Variants in EYS observed in about 807,000 individuals in gnomAD.
EYS encodes EGF-like photoreceptor maintenance factor, also known as protein eyes shut homolog.
Under a neutral mutation model 282.1 loss-of-function variants are expected in EYS, and 250 were observed. The observed-to-expected ratio is 0.89, with a 90% confidence interval of 0.80 to 0.98. The LOEUF is 0.98. Ranked by LOEUF, EYS falls within the 50% of genes least tolerant of loss-of-function variation. EYS has a pLI of 0.00. For missense variants in EYS, 4,016 were observed against 3,709.0 expected, an observed-to-expected ratio of 1.08 and a Z score of -2.15; for synonymous variants, 1,355 against 1,282.9, an observed-to-expected ratio of 1.06 and a Z score of -1.20.
At chr6:64,607,820 T>A (rs982184354) in intron 24 of EYS, among the ~76,000 whole-genome samples, 3 of 152,158 alleles carry the variant, frequency 2.0e-5, no homozygotes, top group African/African-American at 7.2e-5. Flanking sequence ...AGGGTTTGTA[T>A]TCACTGGACA....
chr6:63,987,316 G>A (rs1226256554), intron 34 of EYS, among the ~76,000 whole-genome samples: 3 of 151,622 alleles, frequency 2.0e-5, no homozygotes, highest in Admixed American at 1.3e-4. Context: ...GTGGTGAGAT[G>A]TACCACTGTC....
chr6:64,887,907 G>C (rs1317638792), intron 18 of EYS, among the ~76,000 whole-genome samples: 2 of 152,036 alleles, frequency 1.3e-5, no homozygotes, highest in African/African-American at 2.4e-5. Context: ...TATTAATAAA[G>C]AAGGAGCAGG....
chr6:64,062,021 T>A (rs1321436140), intron 33 of EYS, among the ~76,000 whole-genome samples: 1 of 152,082 alleles, frequency 6.6e-6, no homozygotes, highest in Non-Finnish European at 1.5e-5. Flanking sequence ...CAAGAAATAC[T>A]TTAATATTGA....
chr6:64,742,231 G>C (rs896652619), intron 22 of EYS, among the ~76,000 whole-genome samples: 1 of 152,140 alleles, frequency 6.6e-6, no homozygotes, highest in African/African-American at 2.4e-5. Flanking sequence ...AGCTAAAGAA[G>C]AGCGAGTTTG....
chr6:64,450,974 A>G (rs1582769731), intron 26 of EYS, among the ~76,000 whole-genome samples: 1 of 152,310 alleles, frequency 6.6e-6, no homozygotes, highest in East Asian at 1.9e-4. Flanking sequence ...AAACACATTC[A>G]AAAGCTAGCA....
chr6:63,728,718 T>G (rs1238522719), intron 41 of EYS, among the ~76,000 whole-genome samples: 1 of 152,168 alleles, frequency 6.6e-6, no homozygotes, highest in African/African-American at 2.4e-5. Flanking sequence ...TGCTTGCCTA[T>G]TTGACTCTCC....
At chr6:65,520,206 T>C (rs1767314041) in intron 2 of EYS, among the ~76,000 whole-genome samples, 1 of 152,130 alleles carries the variant, frequency 6.6e-6, no homozygotes, top group African/African-American at 2.4e-5. Flanking sequence ...TCAGAAAGCA[T>C]ATGGGGCCAA....
intron 19 of EYS, among the ~76,000 whole-genome samples, chr6:64,884,591 A>G (rs867149429): frequency 1.3e-4 from 20 of 151,696 alleles, no homozygotes; most frequent in South Asian, 4.1e-4. Context: ...TTTCCAGAGA[A>G]GGCTAAGAAA....
chr6:65,489,465 G>C (rs1765943480), intron 5 of EYS: 1 of 152,160 alleles, frequency 6.6e-6, no homozygotes, highest in Non-Finnish European at 1.5e-5. Context: ...TCATTAAAAA[G>C]TCAGGAAACA....
intron 19 of EYS, among the ~76,000 whole-genome samples, chr6:64,878,757 A>AT (rs199550207): frequency 7.4e-4 from 109 of 148,252 alleles, no homozygotes; most frequent in Middle Eastern, 3.5e-3. Flanking sequence ...GGAAATAAGG[A>AT]TTTTTTTTTT....
chr6:64,469,922 A>G (rs955679173), intron 26 of EYS, among the ~76,000 whole-genome samples: 7 of 152,144 alleles, frequency 4.6e-5, no homozygotes, highest in African/African-American at 1.7e-4. Context: ...TGAAAGTACT[A>G]AAAGTCTCTG....
Position 63,753,710 on chromosome 6 carries a change from G to A in EYS, c.8071+8751C>T, listed in dbSNP as rs540362843. On this transcript the variant is annotated intron_variant, in intron 41 of 42. Transcript: ENST00000503581. ...ACAATCCCTCCCTTGATACATGGGA[G>A]TTACAATTTGAGATGAGATTTGAGT... Among the ~76,000 whole-genome samples, 33 of 152,308 alleles carry A rather than the reference G, an allele frequency of 2.2e-4. 2 individuals are homozygous for A. In the South Asian group the frequency reaches 6.8e-3, roughly 32 times the overall value.
At chr6:64,500,563 C>G (rs1303126268) in intron 26 of EYS, among the ~76,000 whole-genome samples, 1 of 151,910 alleles carries the variant, frequency 6.6e-6, no homozygotes, top group Non-Finnish European at 1.5e-5. Context: ...TTTTTTGTGT[C>G]AATTAAATAC....
intron 26 of EYS, among the ~76,000 whole-genome samples, chr6:64,495,513 G>A (rs1405389752): frequency 6.6e-6 from 1 of 151,768 alleles, no homozygotes; most frequent in African/African-American, 2.4e-5. Context: ...ACTCTTAAAT[G>A]AGTGAGACCA....
intron 26 of EYS, among the ~76,000 whole-genome samples, chr6:64,469,941 A>G (rs914347480): frequency 6.6e-6 from 1 of 152,174 alleles, no homozygotes; most frequent in Non-Finnish European, 1.5e-5. Context: ...TGATATGCAA[A>G]AATAATGCTG....
chr6:64,852,901 G>A (rs1221711242), intron 19 of EYS, among the ~76,000 whole-genome samples: 4 of 152,096 alleles, frequency 2.6e-5, no homozygotes, highest in Non-Finnish European at 5.9e-5. Context: ...AGAACTGTAA[G>A]AAAACACATT....
chr6:64,072,153 AAAC>A (rs769561578), intron 32 of EYS, among the ~76,000 whole-genome samples: 2 of 151,990 alleles, frequency 1.3e-5, no homozygotes, highest in Non-Finnish European at 2.9e-5. Context: ...GAAACAGATA[AAAC>A]AACAGCATTA....
chr6:63,916,959 G>A (rs765897497), intron 35 of EYS, among the ~76,000 whole-genome samples: 3 of 152,310 alleles, frequency 2.0e-5, no homozygotes, highest in East Asian at 1.9e-4. Flanking sequence ...GAGAGGACAC[G>A]GAATGTTTCA....
intron 12 of EYS, among the ~76,000 whole-genome samples, chr6:65,222,180 C>G (rs2150260081): frequency 6.6e-6 from 1 of 152,232 alleles, no homozygotes; most frequent in Admixed American, 6.5e-5. Context: ...TGTTAGAAGA[C>G]ATGATTGATT....
Sources: allele counts gnomAD v4.1 joint callset (sites outside exome capture counted in the v4.1 genomes callset), GRCh38; gene constraint gnomAD v4.1.1; transcripts MANE v1.5; gene names NCBI Gene and HGNC (gene_info 2026-07-23, HGNC 2026-07-21).